SMCO2: variants seen among roughly 807,000 people sequenced by gnomAD.
The protein encoded by SMCO2 is single-pass membrane protein with coiled-coil domains 2.
A neutral mutation model predicts 29.5 loss-of-function variants in SMCO2; 25 were observed. The ratio of observed to expected loss-of-function variants is 0.85; its 90% CI spans 0.62 to 1.18. The LOEUF (loss-of-function observed/expected upper bound fraction) is 1.18. Among genes scored for constraint, SMCO2 ranks in the 50% most tolerant of loss-of-function variants. SMCO2 has a pLI of 0.00. For missense variants in SMCO2, 348 were observed against 344.5 expected, an observed-to-expected ratio of 1.01 and a Z score of -0.08; for synonymous variants, 117 against 123.3, an observed-to-expected ratio of 0.95 and a Z score of 0.34.
chr12:27,446,222 G>A, the SMCO2 span, among the ~76,000 whole-genome samples: 1 of 152,150 alleles, frequency 6.6e-6, no homozygotes, highest in Non-Finnish European at 1.5e-5. Context: ...TTCTTAATGT[G>A]TCCTCACATG....
At chr12:27,429,581 A>G in the SMCO2 span, among the ~76,000 whole-genome samples, 1 of 152,090 alleles carries the variant, frequency 6.6e-6, no homozygotes, top group African/African-American at 2.4e-5. Context: ...TTATGTTTCT[A>G]AGTATACTTT....
Position 27,500,744 on chromosome 12 carries a change from T to TA in SMCO2, c.684-1178dup, listed in dbSNP as rs574940895. On this transcript the variant is annotated intron_variant, in intron 7 of 7. Transcript: ENST00000298876. ...ATCAGCTCTCTAAGCCCCTTCCTAA[T>TA]AGAGTATCTTAAGAACATTGGCTCT... 4.2e-4 allele frequency among the ~76,000 whole-genome samples: 64 copies of TA among 150,704 alleles called. 3 individuals carry two copies. Among genetic ancestry groups the TA allele is most frequent in the African/African-American group, 1.3e-3 (54 of 40,342 alleles).
chr12:27,452,703 G>T, the SMCO2 span, among the ~76,000 whole-genome samples: 1 of 152,070 alleles, frequency 6.6e-6, no homozygotes, highest in Non-Finnish European at 1.5e-5. Flanking sequence ...CCTCAGACTG[G>T]TCTTAAACTG....
At chr12:27,431,375 A>G in the SMCO2 span, among the ~76,000 whole-genome samples, 2 of 152,172 alleles carry the variant, frequency 1.3e-5, no homozygotes, top group East Asian at 1.9e-4. Flanking sequence ...TTGTTTTGCA[A>G]CAGATCTCTA....
At chr12:27,497,431 AC>A in intron 7 of SMCO2, 1 of 219,600 alleles carries the variant, frequency 4.6e-6, no homozygotes. Context: ...GATGTTCCAT[AC>A]CATTAACCAT....
At chr12:27,464,989 A>C (rs1592200818), upstream of SMCO2, among the ~76,000 whole-genome samples, 1 of 145,772 alleles carries the variant, frequency 6.9e-6, no homozygotes, top group African/African-American at 2.5e-5. Flanking sequence ...AGATCGTACC[A>C]CTGCACTCCA....
At chr12:27,480,706 C>G (rs879787912) in intron 4 of SMCO2, among the ~76,000 whole-genome samples, 10 of 151,654 alleles carry the variant, frequency 6.6e-5, no homozygotes, top group South Asian at 4.2e-4. Flanking sequence ...ACCTCTCCCC[C>G]CCCTCTCTCT....
At chr12:27,452,453 G>C in the SMCO2 span, among the ~76,000 whole-genome samples, 1 of 152,114 alleles carries the variant, frequency 6.6e-6, no homozygotes. Flanking sequence ...TATTTTTGCT[G>C]TTGTGAATAG....
At chr12:27,453,648 C>G in the SMCO2 span, among the ~76,000 whole-genome samples, 2 of 152,218 alleles carry the variant, frequency 1.3e-5, no homozygotes, top group Non-Finnish European at 1.5e-5. Flanking sequence ...CTATCCCCAG[C>G]CTCCATCCCT....
chr12:27,450,225 T>C, the SMCO2 span, among the ~76,000 whole-genome samples: 10 of 152,162 alleles, frequency 6.6e-5, no homozygotes, highest in Admixed American at 2.0e-4. Context: ...TTGACCTTCC[T>C]TTCTTGATTC....
chr12:27,454,866 G>T, the SMCO2 span, among the ~76,000 whole-genome samples: 2 of 151,826 alleles, frequency 1.3e-5, no homozygotes, highest in Non-Finnish European at 2.9e-5. Context: ...GAGAATGATG[G>T]CTTCTAGCTT....
the SMCO2 span, among the ~76,000 whole-genome samples, chr12:27,425,829 C>T: frequency 6.6e-6 from 1 of 152,204 alleles, no homozygotes; most frequent in African/African-American, 2.4e-5. Context: ...TCTATTGTCC[C>T]TTCTGCAGAT....
At chr12:27,501,981 T>A in exon 8 of SMCO2, 1 of 1,547,880 alleles carries the variant, frequency 6.5e-7, no homozygotes, top group Non-Finnish European at 8.7e-7. Context: ...TGGACTTTTA[T>A]GTTACATACT....
the SMCO2 span, among the ~76,000 whole-genome samples, chr12:27,457,516 C>A: frequency 6.6e-6 from 1 of 152,226 alleles, no homozygotes; most frequent in African/African-American, 2.4e-5. Flanking sequence ...ATCAGAACCA[C>A]TCATCACCCA....
At chr12:27,477,419 A>C (rs1949597836) in intron 4 of SMCO2, among the ~76,000 whole-genome samples, 1 of 151,702 alleles carries the variant, frequency 6.6e-6, no homozygotes, top group Admixed American at 6.6e-5. Context: ...CTTGGAGAAG[A>C]CTTTTTTGAT....
At chr12:27,450,948 A>G in the SMCO2 span, among the ~76,000 whole-genome samples, 5 of 152,202 alleles carry the variant, frequency 3.3e-5, no homozygotes, top group African/African-American at 4.8e-5. Flanking sequence ...GGAGTGAAAG[A>G]GAAATTTTAG....
At chr12:27,453,552 T>C in the SMCO2 span, among the ~76,000 whole-genome samples, 1 of 152,304 alleles carries the variant, frequency 6.6e-6, no homozygotes, top group East Asian at 1.9e-4. Flanking sequence ...GCCTGAGGCC[T>C]CACTAAAATG....
chr12:27,491,992 A>G (rs1432179541), intron 5 of SMCO2, among the ~76,000 whole-genome samples: 3 of 152,166 alleles, frequency 2.0e-5, no homozygotes, highest in Admixed American at 2.0e-4. Flanking sequence ...GACAGGCATG[A>G]GCCACTGTGG....
At chr12:27,439,564 C>T in the SMCO2 span, among the ~76,000 whole-genome samples, 7 of 152,082 alleles carry the variant, frequency 4.6e-5, no homozygotes, top group Non-Finnish European at 7.4e-5. Flanking sequence ...TTCAAAACAG[C>T]AGTTTTAAGG....
Sources: gnomAD v4.1 joint callset for allele counts (sites outside exome capture counted in the v4.1 genomes callset) on GRCh38, gnomAD v4.1.1 for gene constraint, MANE v1.5 for transcripts, NCBI Gene and HGNC (gene_info 2026-07-23, HGNC 2026-07-21) for gene names.